Variants in CDH22 observed in about 807,000 individuals in gnomAD.
CDH22 encodes the protein cadherin 22.
In CDH22, 30 loss-of-function variants were observed where a neutral mutation model predicts 58.4. The ratio of observed to expected loss-of-function variants is 0.51; its 90% CI spans 0.38 to 0.70. The LOEUF (loss-of-function observed/expected upper bound fraction) is 0.70. Among genes scored for constraint, CDH22 ranks in the 30% least tolerant of loss-of-function variants. The probability of loss-of-function intolerance (pLI) is 0.00; values close to 1 mark genes in which losing one functional copy is unlikely to be tolerated. For missense variants in CDH22, 1,014 were observed against 1,233.9 expected, an observed-to-expected ratio of 0.82 and a Z score of 2.67; for synonymous variants, 513 against 558.2, an observed-to-expected ratio of 0.92 and a Z score of 1.14.
chr20:46,258,464 C>T (rs535877810), intron 1 of CDH22, among the ~76,000 whole-genome samples: 15 of 152,256 alleles, frequency 9.9e-5, no homozygotes, highest in East Asian at 9.7e-4. Flanking sequence ...CCGCAGGGCC[C>T]GGCCAGACTC....
rs1207847423 is a variant in CDH22, at chr20:46,174,758, TGAG to T, written c.2232_2234del (p.Phe744_Ser745delinsLeu). On this transcript the variant is annotated inframe_deletion, in exon 12 of 12. Coordinates refer to ENST00000537909, the MANE Select transcript of CDH22 (RefSeq NM_021248.3). The surrounding 1 kb of genome is among the most constrained non-coding windows in gnomAD (Gnocchi z 4.4). ...TGCGGCTGATGAAGTCCCTGAACAC[TGAG>T]AAGTCTGGCTCGGGGCTCGGCGGCC... 1 of 1,542,240 alleles carries T rather than the reference TGAG, an allele frequency of 6.5e-7. No individual in the cohort carries two copies. The highest frequency in any genetic ancestry group is 8.7e-7 in the Non-Finnish European group (1 of 1,151,922).
At chr20:46,305,376 G>A (rs2086670260) in intron 1 of CDH22, among the ~76,000 whole-genome samples, 1 of 152,362 alleles carries the variant, frequency 6.6e-6, no homozygotes. Flanking sequence ...CCGGGGTGGA[G>A]GGTGTGCCCA....
intron 2 of CDH22, among the ~76,000 whole-genome samples, chr20:46,247,229 C>A (rs1857368984): frequency 6.6e-6 from 1 of 152,134 alleles, no homozygotes; most frequent in Admixed American, 6.5e-5. Context: ...GTGCCAGGAC[C>A]CAGAGAGTAT....
chr20:46,191,067 G>A (rs2145659852), intron 8 of CDH22, among the ~76,000 whole-genome samples: 1 of 152,266 alleles, frequency 6.6e-6, no homozygotes, highest in Non-Finnish European at 1.5e-5. Flanking sequence ...AAGACAGCAT[G>A]GTCTCGTTCT....
rs963636374 is a variant in CDH22 at position 46,174,576 on chromosome 20, C to T, written c.2417G>A (p.Gly806Asp). 2 of 1,530,576 alleles carry T rather than the reference C, an allele frequency of 1.3e-6. No individual in the cohort carries two copies. The highest frequency in any genetic ancestry group is 1.7e-6 in the Non-Finnish European group (2 of 1,143,914). The allele number at this position is 1,530,576 out of a possible 1,614,324, so 94.8% of individuals were successfully genotyped here. A position where few individuals can be genotyped will look rare whatever the true frequency, so the allele number is the denominator to read the frequency against. ...CGCGGCCAGGGGCCGGAAGCGCGGA[C>T]CCCAGCTGCTGAGATAGGCGAAGTC... The part of the protein sequence containing the change: ...EQDFAYLSSW[G>D]PRFRPLAALY... Residue 806 changes from glycine to aspartate, a missense_variant, in exon 12 of 12, where the codon GGT (glycine) becomes GAT (aspartate). Gly to Asp is a moderately conservative substitution (Grantham distance 94). Transcript: ENST00000537909. This position sits in a 1 kb window ranked among gnomAD's most constrained non-coding sequence, Gnocchi z 4.4.
chr20:46,226,068 C>T (rs1568665081), intron 4 of CDH22, among the ~76,000 whole-genome samples: 1 of 152,058 alleles, frequency 6.6e-6, no homozygotes, highest in Non-Finnish European at 1.5e-5. Flanking sequence ...CACAGTCAGG[C>T]CCCTGCCACC....
chr20:46,271,917 T>G (rs1217254868), intron 1 of CDH22, among the ~76,000 whole-genome samples: 1 of 152,228 alleles, frequency 6.6e-6, no homozygotes, highest in East Asian at 1.9e-4. Context: ...AACATAGAGC[T>G]GCTCTCTCAT....
chr20:46,177,925 G>C, intron 11 of CDH22, 21 bp downstream of exon 11: 1 of 1,611,518 alleles, frequency 6.2e-7, no homozygotes, highest in Non-Finnish European at 8.5e-7. Context: ...GGCAGGGCTG[G>C]GTGGCTCTCG....
chr20:46,174,977 G>C lies in CDH22; in HGVS notation c.2016C>G (p.Asp672Glu). The C allele has an allele frequency of 6.2e-7, 1 of 1,605,896 alleles. No individual in the cohort carries two copies. Among genetic ancestry groups the C allele is most frequent in the African/African-American group, 1.3e-5 (1 of 74,944 alleles). Residue 672 changes from aspartate (D) to glutamate (E), a missense_variant, in exon 12 of 12, where the codon GAC (aspartate) becomes GAG (glutamate). Coordinates refer to ENST00000537909, the MANE Select transcript of CDH22 (RefSeq NM_021248.3). This position sits in a 1 kb window ranked among gnomAD's most constrained non-coding sequence, Gnocchi z 4.4. ...CGGTGTCCTGCTCGCCGCCGCCTTC[G>C]TCGTTGTATTTGATGACGTTGTCCC... Reference protein sequence around the residue: ...DMRDNVIKYNDEGGGEQDTEA... With the variant: ...DMRDNVIKYNEEGGGEQDTEA...
At chr20:46,282,984 G>A (rs550735447) in intron 1 of CDH22, among the ~76,000 whole-genome samples, 96 of 152,322 alleles carry the variant, frequency 6.3e-4, no homozygotes, top group African/African-American at 2.2e-3. Context: ...CAGAGACCCA[G>A]GTTCATGGCC....
chr20:46,292,088 TG>T (rs2086606239), intron 1 of CDH22, among the ~76,000 whole-genome samples: 1 of 152,186 alleles, frequency 6.6e-6, no homozygotes. Flanking sequence ...TAGTGGATCA[TG>T]GAAGAAAGGA....
At chr20:46,233,846 C>A (rs2086235693) in intron 3 of CDH22, among the ~76,000 whole-genome samples, 1 of 152,200 alleles carries the variant, frequency 6.6e-6, no homozygotes, top group African/African-American at 2.4e-5. Flanking sequence ...CGTTGCTAGG[C>A]AAGGAGATAT....
intron 1 of CDH22, among the ~76,000 whole-genome samples, chr20:46,283,591 G>A (rs1347726545): frequency 1.3e-5 from 2 of 152,150 alleles, no homozygotes; most frequent in African/African-American, 4.8e-5. Context: ...TAGTCATTCA[G>A]TGAGTCAGCG....
intron 10 of CDH22, among the ~76,000 whole-genome samples, chr20:46,182,976 T>C (rs2085799829): frequency 6.6e-6 from 1 of 152,036 alleles, no homozygotes; most frequent in Non-Finnish European, 1.5e-5. Flanking sequence ...CCCCGGAGCT[T>C]ACACCAGGTG....
At chr20:46,188,840 C>T (rs577317756) in intron 8 of CDH22, among the ~76,000 whole-genome samples, 1 of 152,132 alleles carries the variant, frequency 6.6e-6, no homozygotes, top group Non-Finnish European at 1.5e-5. Context: ...TGCCAGTGAC[C>T]TCAGGAACAT....
chr20:46,286,219 A>G (rs1600727174), intron 1 of CDH22, among the ~76,000 whole-genome samples: 1 of 152,254 alleles, frequency 6.6e-6, no homozygotes, highest in East Asian at 1.9e-4. Context: ...AAGATGAGGA[A>G]ACGGGGGCTC....
At chr20:46,239,981 C>A (rs1303685269) in intron 3 of CDH22, among the ~76,000 whole-genome samples, 1 of 152,148 alleles carries the variant, frequency 6.6e-6, no homozygotes, top group East Asian at 1.9e-4. Context: ...TGTGTGTGTG[C>A]ACTTCACTTT....
chr20:46,175,284 C>T (rs1020867036), intron 11 of CDH22, among the ~76,000 whole-genome samples: 1 of 152,158 alleles, frequency 6.6e-6, no homozygotes, highest in African/African-American at 2.4e-5. Context: ...CTACCCATCT[C>T]GGGAGGTATG....
intron 6 of CDH22, among the ~76,000 whole-genome samples, chr20:46,212,723 C>T (rs139765679): frequency 2.8e-4 from 43 of 152,322 alleles, no homozygotes; most frequent in African/African-American, 9.1e-4. Context: ...GTGAAGCACA[C>T]GTCAGAGTGT....
Sources: gnomAD v4.1 joint callset for allele counts (sites outside exome capture counted in the v4.1 genomes callset) on GRCh38, gnomAD v4.1.1 for gene constraint, Gnocchi (gnomAD v3.1) non-coding constraint, MANE v1.5 for transcripts, NCBI Gene and HGNC (gene_info 2026-07-23, HGNC 2026-07-21) for gene names.